Variants in SYTL2 observed in about 807,000 individuals in gnomAD.
SYTL2 encodes synaptotagmin-like protein 2.
Under a neutral mutation model 198.7 loss-of-function variants are expected in SYTL2, and 165 were observed. The ratio of observed to expected loss-of-function variants is 0.83; its 90% confidence interval spans 0.73 to 0.94. The LOEUF (loss-of-function observed/expected upper bound fraction) is 0.94, where lower values mean the gene tolerates loss of function less well. Among genes scored for constraint, SYTL2 ranks in the 40% least tolerant of loss-of-function variants. The pLI, the probability that SYTL2 is intolerant of heterozygous loss-of-function variation, is 0.00. For missense variants in SYTL2, 2,835 were observed against 2,582.8 expected, an observed-to-expected ratio of 1.10 and a Z score of -2.12; for synonymous variants, 966 against 917.7, an observed-to-expected ratio of 1.05 and a Z score of -0.95.
chr11:85,720,061 ACT>A (rs2088056335), intron 9 of SYTL2, among the ~76,000 whole-genome samples: 1 of 151,950 alleles, frequency 6.6e-6, no homozygotes, highest in African/African-American at 2.4e-5. Flanking sequence ...CTAGCACACA[ACT>A]CTCTTTATAT....
At chr11:85,722,548 A>G (rs2088503823) in intron 8 of SYTL2, among the ~76,000 whole-genome samples, 1 of 152,092 alleles carries the variant, frequency 6.6e-6, no homozygotes, top group African/African-American at 2.4e-5. Flanking sequence ...TACACATTAG[A>G]TGATAGTCTC....
At chr11:85,828,255 C>A in the SYTL2 span, among the ~76,000 whole-genome samples, 1 of 152,248 alleles carries the variant, frequency 6.6e-6, no homozygotes, top group African/African-American at 2.4e-5. Context: ...TAATGTTATA[C>A]TAAATTTTTT....
chr11:85,843,514 A>G, the SYTL2 span, among the ~76,000 whole-genome samples: 1 of 152,018 alleles, frequency 6.6e-6, no homozygotes, highest in Non-Finnish European at 1.5e-5. Context: ...GAAGATAATG[A>G]GTTTGGGGCA....
At chr11:85,828,403 T>C in the SYTL2 span, among the ~76,000 whole-genome samples, 2 of 152,232 alleles carry the variant, frequency 1.3e-5, no homozygotes, top group Non-Finnish European at 2.9e-5. Flanking sequence ...TTACAAGCTT[T>C]GTAGAATGAT....
At chr11:85,822,346 C>G in the SYTL2 span, among the ~76,000 whole-genome samples, 1 of 152,194 alleles carries the variant, frequency 6.6e-6, no homozygotes, top group Non-Finnish European at 1.5e-5. Flanking sequence ...CCAACCTTGG[C>G]CATGCTCAAG....
At chr11:85,831,122 C>A in the SYTL2 span, among the ~76,000 whole-genome samples, 1 of 152,088 alleles carries the variant, frequency 6.6e-6, no homozygotes, top group African/African-American at 2.4e-5. Context: ...TTAACAATAG[C>A]AGAAATACAG....
At chr11:85,842,016 G>T in the SYTL2 span, among the ~76,000 whole-genome samples, 1 of 152,154 alleles carries the variant, frequency 6.6e-6, no homozygotes, top group African/African-American at 2.4e-5. Flanking sequence ...AAATATCTCT[G>T]ACCACCTTTT....
At chr11:85,707,136 C>T (rs1177037981) in intron 15 of SYTL2, among the ~76,000 whole-genome samples, 1 of 152,218 alleles carries the variant, frequency 6.6e-6, no homozygotes, top group African/African-American at 2.4e-5. Context: ...CCACCTCACC[C>T]AGCCAAGCTG....
chr11:85,848,440 T>C, the SYTL2 span, among the ~76,000 whole-genome samples: 1 of 149,186 alleles, frequency 6.7e-6, no homozygotes, highest in South Asian at 2.1e-4. Flanking sequence ...AGTTTTCACC[T>C]TTATGATTCA....
At chr11:85,841,922 A>G in the SYTL2 span, among the ~76,000 whole-genome samples, 1 of 152,202 alleles carries the variant, frequency 6.6e-6, no homozygotes, top group South Asian at 2.1e-4. Flanking sequence ...GTCAGGTACT[A>G]CTTTCTGGCA....
intron 4 of SYTL2, 88 bp from the exon 5 acceptor site, chr11:85,737,744 G>T: frequency 1.9e-6 from 2 of 1,050,430 alleles, no homozygotes; most frequent in Non-Finnish European, 2.9e-6. Context: ...CTATCAGCAG[G>T]CTAGGAGAGG....
intron 1 of SYTL2, among the ~76,000 whole-genome samples, chr11:85,784,008 T>C (rs2092600944): frequency 6.6e-6 from 1 of 152,224 alleles, no homozygotes; most frequent in South Asian, 2.1e-4. Context: ...AGAGGAGGTC[T>C]TTACCTATCT....
intron 1 of SYTL2, among the ~76,000 whole-genome samples, chr11:85,776,911 G>A (rs2092461365): frequency 6.6e-6 from 1 of 152,164 alleles, no homozygotes; most frequent in Admixed American, 6.5e-5. Flanking sequence ...GTGTATTTAA[G>A]TGTCAGCTCT....
rs543652083 is a variant in SYTL2, at chr11:85,724,292, C to A, written c.5066G>T (p.Ser1689Ile). The change falls in exon 8 of 20, where the codon AGT (serine) becomes ATT (isoleucine). Residue 1689 changes from serine to isoleucine, a missense_variant. By Grantham distance (142) the Ser-to-Ile change is moderately radical. Transcript: ENST00000359152. ...VTPPEDRDSESGVAGGQGTLQ... is the reference protein window; with the variant it reads ...VTPPEDRDSEIGVAGGQGTLQ... ...AGTCCCTTGTCCCCCTGCAACCCCA[C>A]TTTCACTGTCCCTGTCCTCTGGGGG... 31 of 1,564,126 alleles carry A rather than the reference C, an allele frequency of 2.0e-5. No homozygotes were observed. Among genetic ancestry groups the A allele is most frequent in the South Asian group, 1.9e-4 (15 of 80,818 alleles).
chr11:85,834,582 T>C, the SYTL2 span, among the ~76,000 whole-genome samples: 24 of 152,282 alleles, frequency 1.6e-4, no homozygotes, highest in Admixed American at 6.5e-4. Flanking sequence ...CGGTAGAAAC[T>C]GTACTTCAGT....
chr11:85,852,141 C>T, the SYTL2 span, among the ~76,000 whole-genome samples: 6 of 152,152 alleles, frequency 3.9e-5, no homozygotes, highest in South Asian at 2.1e-4. Context: ...GTTCTTAATA[C>T]GTTATTAATA....
In SYTL2 at chr11:85,724,540, C is replaced by G; in HGVS notation, c.4818G>C (p.Gly1606=). ...CTGCCCTGTAAAAATGGGGCACTGTCCCCAAGAACCTGGTCTGCTCTGACT... is the reference window on the plus strand; with the variant it reads ...CTGCCCTGTAAAAATGGGGCACTGTGCCCAAGAACCTGGTCTGCTCTGACT... ...SSQSEQTRFL[G]TVPHFYRAAS... Residue 1606 remains glycine (G), a synonymous_variant, in exon 8 of 20, where the codon GGG becomes GGC. Coordinates refer to ENST00000359152, the MANE Select transcript of SYTL2 (RefSeq NM_206927.4). 6.2e-7 allele frequency: 1 copy of G among 1,613,974 alleles called. No individual in the cohort carries two copies. The highest frequency in any genetic ancestry group is 8.5e-7 in the Non-Finnish European group (1 of 1,180,018).
Position 85,786,063 on chromosome 11 carries a change from A to T in SYTL2, c.-390+24891T>A, listed in dbSNP as rs192151315. On this transcript the variant is annotated intron_variant, in intron 1 of 19. Coordinates refer to ENST00000359152, the MANE Select transcript of SYTL2 (RefSeq NM_206927.4). ...TGGTACATCCATACCGTGGGATACTACTAAGCAACAAAAAGGAAAAACTCT... is the reference window on the plus strand; with the variant it reads ...TGGTACATCCATACCGTGGGATACTTCTAAGCAACAAAAAGGAAAAACTCT... 3.6e-3 allele frequency among the ~76,000 whole-genome samples: 553 copies of T among 152,352 alleles called. 1 individual carries two copies. Among genetic ancestry groups the T allele is most frequent in the Non-Finnish European group, 6.3e-3 (427 of 68,032 alleles).
intron 1 of SYTL2, among the ~76,000 whole-genome samples, chr11:85,806,477 TG>T (rs1454218203): frequency 2.0e-5 from 3 of 152,226 alleles, no homozygotes; most frequent in Non-Finnish European, 4.4e-5. Flanking sequence ...TTTTTAAACC[TG>T]CTTTCATTAT....
Sources: gnomAD v4.1 joint callset for allele counts (sites outside exome capture counted in the v4.1 genomes callset) on GRCh38, gnomAD v4.1.1 for gene constraint, MANE v1.5 for transcripts, NCBI Gene and HGNC (gene_info 2026-07-23, HGNC 2026-07-21) for gene names.